CDC14A: variants seen among roughly 807,000 people sequenced by gnomAD.
The protein encoded by CDC14A is cell division cycle 14A, also known as dual specificity protein phosphatase CDC14A.
Under a neutral mutation model 74.4 loss-of-function variants are expected in CDC14A, and 53 were observed. The ratio of observed to expected loss-of-function variants is 0.71; its 90% CI spans 0.57 to 0.89. The LOEUF is 0.89. Ranked by LOEUF, CDC14A falls within the 40% of genes least tolerant of loss-of-function variation. The pLI is 0.00. For synonymous variants in CDC14A, 247 were observed against 258.4 expected (o/e 0.96, Z 0.43); for missense variants, 646 against 713.7 (o/e 0.91, Z 1.08).
At chr1:100,459,118 C>CAGAGAGAGAGAGAGAGAGAGAG (rs1413867196) in intron 8 of CDC14A, among the ~76,000 whole-genome samples, 21 of 145,936 alleles carry the variant, frequency 1.4e-4, no homozygotes, top group African/African-American at 5.5e-4. Flanking sequence ...CACACACACA[C>CAGAGAGAGAGAGAGAGAGAGAG]ACACACACAG....
chr1:100,485,163 C>T (rs921778315), intron 11 of CDC14A: 32 of 985,130 alleles, frequency 3.2e-5, no homozygotes, highest in East Asian at 2.3e-4. Flanking sequence ...CTAGAAACAA[C>T]GTTGAAACAC....
chr1:100,513,564 T>C (rs1649961435), intron 15 of CDC14A, among the ~76,000 whole-genome samples: 1 of 152,168 alleles, frequency 6.6e-6, no homozygotes, highest in South Asian at 2.1e-4. Context: ...AAGACATCGT[T>C]ACATTCATTT....
At chr1:100,495,292 T>C (rs577057850) in intron 12 of CDC14A, among the ~76,000 whole-genome samples, 20 of 152,354 alleles carry the variant, frequency 1.3e-4, no homozygotes, top group African/African-American at 4.6e-4. Flanking sequence ...TCATAGTGTA[T>C]ATAAAAGTAT....
chr1:100,446,410 G>A (rs1242852668), intron 7 of CDC14A, among the ~76,000 whole-genome samples: 1 of 152,202 alleles, frequency 6.6e-6, no homozygotes, highest in East Asian at 1.9e-4. Flanking sequence ...GCTTTGTTGT[G>A]TAAAGTCTAC....
At chr1:100,363,816 A>G (rs1037171762) in intron 2 of CDC14A, among the ~76,000 whole-genome samples, 30 of 152,210 alleles carry the variant, frequency 2.0e-4, no homozygotes, top group African/African-American at 6.8e-4. Flanking sequence ...TAATTTGAAT[A>G]ATTTACGGAA....
Position 100,518,794 on chromosome 1 carries a change from G to T in CDC14A, c.*514G>T, listed in dbSNP as rs1650440724. On this transcript the variant is annotated 3_prime_UTR_variant, in exon 16 of 16. Transcript: ENST00000336454. ...ATAAATAATTCCTTCTTATTAAGAA[G>T]AAGTAAGGGAGAAAGTTTTTAGAAA... The T allele has an allele frequency of 6.6e-6, 1 of 152,578 alleles. No individual in the cohort carries two copies. The highest frequency in any genetic ancestry group is 6.5e-5 in the Admixed American group (1 of 15,268). 9.5% of individuals were successfully genotyped at this position (152,578 alleles called of 1,614,324 possible).
chr1:100,509,574 TTAG>T (rs1649539502), intron 15 of CDC14A, among the ~76,000 whole-genome samples: 1 of 152,254 alleles, frequency 6.6e-6, no homozygotes, highest in African/African-American at 2.4e-5. Context: ...GATCTTTAAC[TTAG>T]AAAGGCATAT....
chr1:100,518,195 C>A (rs1297636370), intron 15 of CDC14A, 56 bp from the exon 16 acceptor site: 7 of 1,391,750 alleles, frequency 5.0e-6, no homozygotes, highest in Non-Finnish European at 7.1e-6. Flanking sequence ...GCATGACTTG[C>A]TAGAAGTTTT....
At position 100,462,765 on chromosome 1, in the gene CDC14A, G is replaced by C. The variant is rs201560882; in HGVS notation, c.722G>C (p.Gly241Ala). 1 of 1,614,116 alleles carries C rather than the reference G, an allele frequency of 6.2e-7. No individual in the cohort carries two copies. The highest frequency in any genetic ancestry group is 8.5e-7 in the Non-Finnish European group (1 of 1,179,978). Reference protein sequence around the residue: ...IYEAKRFTDAGFEHYDLFFID... With the variant: ...IYEAKRFTDAAFEHYDLFFID... Reference sequence around the variant, plus strand: ...GAGGCAAAGCGCTTCACAGACGCTGGCTTCGAGCACTATGACCTCTTCTTC... The same window carrying C: ...GAGGCAAAGCGCTTCACAGACGCTGCCTTCGAGCACTATGACCTCTTCTTC... Residue 241 changes from glycine (G) to alanine (A), a missense_variant, in exon 9 of 16, where the codon GGC (glycine) becomes GCC (alanine). Physicochemically the swap from Gly to Ala is moderately conservative, Grantham distance 60. Coordinates refer to ENST00000336454, the MANE Select transcript of CDC14A (RefSeq NM_003672.4).
intron 15 of CDC14A, chr1:100,504,741 A>T: frequency 8.7e-7 from 1 of 1,150,146 alleles, no homozygotes; most frequent in Non-Finnish European, 1.3e-6. Flanking sequence ...GGCCCTCTGT[A>T]CTGCATTTCT....
chr1:100,351,214 A>G (rs1225199129), upstream of CDC14A, among the ~76,000 whole-genome samples: 1 of 151,846 alleles, frequency 6.6e-6, no homozygotes, highest in East Asian at 1.9e-4. Flanking sequence ...CACATTAAAA[A>G]AAAAAAAACC....
At chr1:100,421,841 GTCTCTCTCC>G (rs1180023566) in intron 4 of CDC14A, among the ~76,000 whole-genome samples, 2 of 152,148 alleles carry the variant, frequency 1.3e-5, no homozygotes, top group Non-Finnish European at 2.9e-5. Flanking sequence ...AGCCTAGTCT[GTCTCTCTCC>G]TCTCTCTCTT....
chr1:100,370,057 C>T (rs1654240992), intron 2 of CDC14A, among the ~76,000 whole-genome samples: 1 of 151,534 alleles, frequency 6.6e-6, no homozygotes, highest in Non-Finnish European at 1.5e-5. Context: ...CATCAGAAAT[C>T]ACTGCAGCCT....
intron 5 of CDC14A, among the ~76,000 whole-genome samples, chr1:100,429,779 A>G (rs1464112748): frequency 6.7e-6 from 1 of 148,600 alleles, no homozygotes; most frequent in Non-Finnish European, 1.5e-5. Flanking sequence ...AAGTGTGTAT[A>G]TATATATATC....
At chr1:100,372,955 C>T (rs751959410) in intron 2 of CDC14A, among the ~76,000 whole-genome samples, 2 of 152,196 alleles carry the variant, frequency 1.3e-5, no homozygotes, top group East Asian at 1.9e-4. Context: ...AAACTTTCTC[C>T]ATATCAGCAA....
intron 3 of CDC14A, among the ~76,000 whole-genome samples, chr1:100,390,338 A>G (rs1262616931): frequency 6.6e-6 from 1 of 152,234 alleles, no homozygotes; most frequent in Non-Finnish European, 1.5e-5. Flanking sequence ...AAATTGTGTT[A>G]TATGAAAACT....
intron 15 of CDC14A, 94 bp downstream of exon 15, chr1:100,499,356 A>G: frequency 1.2e-6 from 2 of 1,613,248 alleles, no homozygotes; most frequent in Non-Finnish European, 1.7e-6. Context: ...AAAGAAATTT[A>G]ATAGTGCCAA....
At chr1:100,445,891 A>G (rs1357257933) in intron 7 of CDC14A, among the ~76,000 whole-genome samples, 1 of 152,202 alleles carries the variant, frequency 6.6e-6, no homozygotes, top group African/African-American at 2.4e-5. Context: ...AAAATAGAAA[A>G]CCACTATTGT....
chr1:100,378,668 A>G (rs1655648441), intron 3 of CDC14A, among the ~76,000 whole-genome samples: 1 of 152,232 alleles, frequency 6.6e-6, no homozygotes, highest in African/African-American at 2.4e-5. Flanking sequence ...AAAAGAATCA[A>G]TAATCATATA....
Sources: allele counts gnomAD v4.1 joint callset (sites outside exome capture counted in the v4.1 genomes callset), GRCh38; gene constraint gnomAD v4.1.1; transcripts MANE v1.5; gene names NCBI Gene and HGNC (gene_info 2026-07-23, HGNC 2026-07-21).